ARL15: variants seen among roughly 807,000 people sequenced by gnomAD.
ARL15 encodes the protein ARF like GTPase 15.
In ARL15, 19 loss-of-function variants were observed where a neutral mutation model predicts 25.2. That is an observed-to-expected ratio of 0.75 (90% CI 0.53 to 1.10). The LOEUF is 1.10. Ranked by LOEUF, ARL15 falls within the 50% of genes least tolerant of loss-of-function variation. ARL15 has a pLI of 0.00. For synonymous variants in ARL15, 94 were observed against 86.8 expected (o/e 1.08, Z -0.46); for missense variants, 220 against 246.0 (o/e 0.89, Z 0.71).
chr5:54,278,474 T>A (rs538050431), intron 1 of ARL15, among the ~76,000 whole-genome samples: 1 of 152,340 alleles, frequency 6.6e-6, no homozygotes, highest in South Asian at 2.1e-4. Context: ...CAGGACTCCT[T>A]TTGTTTCAGA....
At chr5:54,009,390 T>C (rs1235855853) in intron 4 of ARL15, among the ~76,000 whole-genome samples, 1 of 152,178 alleles carries the variant, frequency 6.6e-6, no homozygotes, top group Admixed American at 6.5e-5. Flanking sequence ...CACTCAAATA[T>C]AGATTTGTAA....
intron 1 of ARL15, among the ~76,000 whole-genome samples, chr5:54,219,531 G>A (rs1229227966): frequency 1.3e-5 from 2 of 152,076 alleles, no homozygotes; most frequent in Non-Finnish European, 2.9e-5. Flanking sequence ...GAAAGAGACA[G>A]GGAACTAATT....
At chr5:53,907,935 C>T (rs1271149867) in intron 4 of ARL15, among the ~76,000 whole-genome samples, 3 of 152,002 alleles carry the variant, frequency 2.0e-5, no homozygotes, top group Non-Finnish European at 4.4e-5. Flanking sequence ...TTTAAGATTG[C>T]CACATAAAGC....
chr5:54,224,392 G>C (rs1338297129), intron 1 of ARL15, among the ~76,000 whole-genome samples: 1 of 152,182 alleles, frequency 6.6e-6, no homozygotes, highest in Non-Finnish European at 1.5e-5. Flanking sequence ...ATTTAATCTT[G>C]AAGAATCCAA....
Position 54,235,323 on chromosome 5 carries a change from C to T in ARL15, c.49-63395G>A, listed in dbSNP as rs1309518037. On this transcript the variant is annotated intron_variant, in intron 1 of 4. Transcript: ENST00000504924. ...AAAAACAGTGTAAAAATACACTCAA[C>T]CTTATCAGATAAAATAATGTAATGA... is the stretch of plus-strand genomic sequence containing the variant. 5.3e-5 allele frequency among the ~76,000 whole-genome samples: 8 copies of T among 152,098 alleles called. No homozygotes were observed. In the East Asian group the frequency reaches 1.5e-3, roughly 29 times the overall value.
At chr5:54,281,818 G>A (rs1758068611) in intron 1 of ARL15, among the ~76,000 whole-genome samples, 1 of 152,100 alleles carries the variant, frequency 6.6e-6, no homozygotes, top group South Asian at 2.1e-4. Context: ...ATTTTCCCGT[G>A]ACTTGTTTCT....
rs141767421 is a variant in ARL15 at position 54,270,991 on chromosome 5, C to T, written c.48+39441G>A. On this transcript the variant is annotated intron_variant, in intron 1 of 4. Transcript: ENST00000504924. Reference sequence around the variant, plus strand: ...GAATGTGTCATTCTATCTCCAGGATCTGGAATACACTCATCCCCTGCCTTG... The same window carrying T: ...GAATGTGTCATTCTATCTCCAGGATTTGGAATACACTCATCCCCTGCCTTG... 1.8e-4 allele frequency among the ~76,000 whole-genome samples: 28 copies of T among 152,308 alleles called. No individual in the cohort carries two copies. In the East Asian group the frequency reaches 5.4e-3, roughly 29 times the overall value.
At chr5:53,943,428 G>C (rs77293919) in intron 4 of ARL15, among the ~76,000 whole-genome samples, 4,283 of 152,148 alleles carry the variant, frequency 0.028, 197 homozygotes, top group African/African-American at 0.099. Flanking sequence ...CTATGAATGA[G>C]TCCTTCCCAG....
chr5:54,162,081 A>T (rs1248090024), intron 2 of ARL15, among the ~76,000 whole-genome samples: 2 of 151,990 alleles, frequency 1.3e-5, no homozygotes, highest in African/African-American at 2.4e-5. Context: ...CTGGGCAGTA[A>T]GTTTGAAGAT....
intron 4 of ARL15, among the ~76,000 whole-genome samples, chr5:53,896,779 G>A (rs1744888166): frequency 6.6e-6 from 1 of 152,196 alleles, no homozygotes; most frequent in South Asian, 2.1e-4. Flanking sequence ...TACAGGTTGT[G>A]AGCCACCGCG....
At chr5:54,101,204 C>T (rs1182480568) in intron 4 of ARL15, among the ~76,000 whole-genome samples, 1 of 152,022 alleles carries the variant, frequency 6.6e-6, no homozygotes, top group African/African-American at 2.4e-5. Context: ...ACAGCCACAA[C>T]TCTTCCTTTA....
chr5:53,975,872 C>T (rs1460708532), intron 4 of ARL15, among the ~76,000 whole-genome samples: 1 of 152,094 alleles, frequency 6.6e-6, no homozygotes, highest in Non-Finnish European at 1.5e-5. Flanking sequence ...CTGCCTACGT[C>T]ATCTGGGTGT....
At chr5:54,033,027 TAAA>T (rs774182868) in intron 4 of ARL15, among the ~76,000 whole-genome samples, 1 of 140,918 alleles carries the variant, frequency 7.1e-6, no homozygotes, top group Non-Finnish European at 1.6e-5. Flanking sequence ...TATATAAGGT[TAAA>T]AAAAAAAAAA....
intron 4 of ARL15, among the ~76,000 whole-genome samples, chr5:53,930,576 A>G (rs1746165951): frequency 6.6e-6 from 1 of 152,220 alleles, no homozygotes; most frequent in African/African-American, 2.4e-5. Context: ...TCTTGGGATT[A>G]GAGATCATTT....
chr5:53,978,029 T>A (rs1747999469), intron 4 of ARL15, among the ~76,000 whole-genome samples: 1 of 152,164 alleles, frequency 6.6e-6, no homozygotes, highest in Non-Finnish European at 1.5e-5. Flanking sequence ...AAAACTTTAT[T>A]TAGTGGTTTT....
chr5:54,143,645 C>T (rs1256629879), intron 3 of ARL15, among the ~76,000 whole-genome samples: 2 of 151,756 alleles, frequency 1.3e-5, no homozygotes, highest in South Asian at 4.1e-4. Flanking sequence ...CTTTCTTGAA[C>T]TTTGCTAAAT....
At chr5:53,941,536 T>C (rs1271917399) in intron 4 of ARL15, among the ~76,000 whole-genome samples, 1 of 152,226 alleles carries the variant, frequency 6.6e-6, no homozygotes, top group Non-Finnish European at 1.5e-5. Flanking sequence ...TACATGAAGA[T>C]AAATGATGCC....
At chr5:54,011,786 G>A (rs1317963594) in intron 4 of ARL15, among the ~76,000 whole-genome samples, 13 of 152,058 alleles carry the variant, frequency 8.5e-5, no homozygotes, top group Non-Finnish European at 1.0e-4. Flanking sequence ...CGAGGCGGGC[G>A]GATCTCGAGG....
intron 1 of ARL15, among the ~76,000 whole-genome samples, chr5:54,217,600 T>C (rs1756245499): frequency 6.6e-6 from 1 of 152,092 alleles, no homozygotes; most frequent in African/African-American, 2.4e-5. Context: ...CTTAGCAGAG[T>C]TCAAAAGTAT....
Sources: allele counts gnomAD v4.1 joint callset (sites outside exome capture counted in the v4.1 genomes callset), GRCh38; gene constraint gnomAD v4.1.1; transcripts MANE v1.5; gene names NCBI Gene and HGNC (gene_info 2026-07-23, HGNC 2026-07-21).